GPI: variants seen among roughly 807,000 people sequenced by gnomAD.
GPI encodes the protein glucose-6-phosphate isomerase, also known as D-hexose-6-phosphate anomerase.
GPI carries 56 observed loss-of-function variants against 75.8 expected under a neutral mutation model. The ratio of observed to expected loss-of-function variants is 0.74; its 90% CI spans 0.60 to 0.92. GPI has a LOEUF of 0.92. Among genes scored for constraint, GPI ranks in the 40% least tolerant of loss-of-function variants. The pLI, the probability that GPI is intolerant of heterozygous loss-of-function variation, is 0.00. For missense variants in GPI, 638 were observed against 741.0 expected (o/e 0.86, Z 1.61); for synonymous variants, 288 against 285.4 (o/e 1.01, Z -0.09).
chr19:34,377,326 AAAAAAAAAAAATAT>A (rs2074556249), intron 4 of GPI, among the ~76,000 whole-genome samples, 163 bp from the exon 5 acceptor site: 1 of 88,504 alleles, frequency 1.1e-5, no homozygotes. Flanking sequence ...AAAAAAAAAA[AAAAAAAAAAAATAT>A]ATATATATAT....
chr19:34,379,119 G>C (rs529637939), intron 7 of GPI, 114 bp downstream of exon 7: 1 of 917,800 alleles, frequency 1.1e-6, no homozygotes, highest in African/African-American at 1.6e-5. Context: ...AGTGAAGGCG[G>C]CCTTGCCGGT....
Position 34,377,737 on chromosome 19 carries a change from A to T in GPI, c.489A>T (p.Gly163=), listed in dbSNP as rs1801015. 7 of 1,613,414 alleles carry T rather than the reference A, an allele frequency of 4.3e-6. No individual in the cohort carries two copies. The Admixed American group carries it at 8.3e-5, about 19-fold the overall frequency. The part of the protein sequence containing the change: ...INIGIGGSDL[G]PLMVTEALKP... The stretch of plus-strand genomic sequence containing the variant: ...TCTGATGCTATGTCTCCCCGCAGGG[A>T]CCCCTCATGGTGACTGAAGCCCTTA... Residue 163 remains glycine, a splice_region_variant and synonymous_variant, in exon 6 of 18, where the codon GGA becomes GGT. Transcript: ENST00000356487.
In GPI at chr19:34,396,599, G is replaced by C; in HGVS notation, c.1211G>C (p.Cys404Ser). The change falls in exon 14 of 18, where the codon TGT becomes TCT. Residue 404 changes from cysteine to serine, a missense_variant. Coordinates refer to ENST00000356487, the MANE Select transcript of GPI (RefSeq NM_000175.5). Reference sequence around the variant, plus strand: ...TTCACAGGCACCAAGATGATACCCTGTGACTTCCTCATCCCGGTCCAGACC... The same window carrying C: ...TTCACAGGCACCAAGATGATACCCTCTGACTTCCTCATCCCGGTCCAGACC... ...LIHQGTKMIPCDFLIPVQTQH... is the reference protein window; with the variant it reads ...LIHQGTKMIPSDFLIPVQTQH... 1.9e-6 allele frequency: 3 copies of C among 1,614,200 alleles called. No individual in the cohort carries two copies. Among genetic ancestry groups the C allele is most frequent in the Non-Finnish European group, 2.5e-6 (3 of 1,180,008 alleles).
At position 34,377,336 on chromosome 19, in the gene GPI, AATAT is replaced by A. The variant is rs1243864461; in HGVS notation, c.403-148_403-145del. Among the ~76,000 whole-genome samples the A allele has an allele frequency of 2.7e-3, 133 of 49,332 alleles. 5 individuals are homozygous for A. The highest frequency in any genetic ancestry group is 5.1e-3 in the East Asian group (8 of 1,584). The allele number at this position is 49,332 out of a possible 152,430, so 32.4% of individuals were successfully genotyped here. A position where few individuals can be genotyped will look rare whatever the true frequency, so the allele number is the denominator to read the frequency against. ...AAAAAAAAAAAAAAAAAAAAAAAAAAATATATATATATATATATATATGGTAAAT... is the reference window on the plus strand; with the variant it reads ...AAAAAAAAAAAAAAAAAAAAAAAAAAATATATATATATATATATGGTAAAT... On this transcript the variant is annotated intron_variant, in intron 4 of 17. Coordinates refer to ENST00000356487, the MANE Select transcript of GPI (RefSeq NM_000175.5).
At position 34,379,281 on chromosome 19, in the gene GPI, A is replaced by G. The variant is rs8191380; in HGVS notation, c.706-237A>G. On this transcript the variant is annotated intron_variant, in intron 7 of 17. Transcript: ENST00000356487. ...GCTGCAGGAACTCTTGGCCACACCT[A>G]TTTTATAGGGGAGGGACGTCCCTGA... 8.7e-3 allele frequency among the ~76,000 whole-genome samples: 1,328 copies of G among 152,112 alleles called. 11 individuals carry two copies. The highest frequency in any genetic ancestry group is 0.014 in the South Asian group (69 of 4,820).
chr19:34,394,633 T>C (rs976738140), intron 12 of GPI, among the ~76,000 whole-genome samples: 1 of 151,584 alleles, frequency 6.6e-6, no homozygotes, highest in Non-Finnish European at 1.5e-5. Flanking sequence ...CTCTTCTCCC[T>C]TGGGATCTCC....
intron 3 of GPI, chr19:34,367,150 A>C: frequency 2.0e-6 from 1 of 511,392 alleles, no homozygotes; most frequent in East Asian, 3.8e-5. Flanking sequence ...ACTCTAATAT[A>C]TCCTCAATGC....
intron 3 of GPI, 178 bp downstream of exon 3, chr19:34,367,029 A>C: frequency 1.4e-6 from 1 of 702,736 alleles, no homozygotes. Context: ...TGCCTTCCAC[A>C]AGATTGGTTT....
chr19:34,396,182 C>A, intron 12 of GPI, 119 bp from the exon 13 acceptor site: 7 of 1,081,424 alleles, frequency 6.5e-6, no homozygotes, highest in Non-Finnish European at 9.7e-6. Context: ...AGGTGATCCG[C>A]CTGCCTTGGC....
intron 12 of GPI, among the ~76,000 whole-genome samples, chr19:34,394,267 A>G (rs1451368477): frequency 1.3e-5 from 2 of 152,128 alleles, no homozygotes; most frequent in African/African-American, 4.8e-5. Context: ...GAGTTTGATC[A>G]CCATGGGAGG....
intron 9 of GPI, chr19:34,392,469 C>T (rs1268787007): frequency 2.1e-4 from 1 of 4,728 alleles, no homozygotes. Flanking sequence ...GTATGAGGAT[C>T]TGGGTTTGTC....
chr19:34,366,205 C>G (rs780703607), intron 1 of GPI, 140 bp from the exon 2 acceptor site: 9 of 725,550 alleles, frequency 1.2e-5, no homozygotes, highest in Non-Finnish European at 1.5e-5. Flanking sequence ...TGACAGACAC[C>G]ACCACTGTGC....
intron 4 of GPI, among the ~76,000 whole-genome samples, chr19:34,369,028 G>T (rs564005518): frequency 6.6e-6 from 1 of 152,122 alleles, no homozygotes; most frequent in Non-Finnish European, 1.5e-5. Flanking sequence ...GGACAGTCAG[G>T]AAAGGAAGGA....
chr19:34,400,460 T>A lies in GPI; in HGVS notation c.*424T>A. The stretch of plus-strand genomic sequence containing the variant: ...CACTAAGTGGTGAGCGGGTCTAGAG[T>A]GGAGCAAGGTGCCCTGAGAAGACAA... On this transcript the variant is annotated 3_prime_UTR_variant, in exon 18 of 18. Transcript: ENST00000356487. The A allele has an allele frequency of 1.8e-6, 1 of 554,602 alleles. No homozygotes were observed. The highest frequency in any genetic ancestry group is 2.9e-5 in the East Asian group (1 of 34,392). 34.4% of individuals were successfully genotyped at this position (554,602 alleles called of 1,614,324 possible). A position where few individuals can be genotyped will look rare whatever the true frequency, so the allele number is the denominator to read the frequency against.
At chr19:34,364,655 G>C (rs942549759), upstream of GPI, 1 of 299,592 alleles carries the variant, frequency 3.3e-6, no homozygotes, top group Admixed American at 5.1e-5. Flanking sequence ...TGAGATTACA[G>C]GCGTGAGCCA....
chr19:34,366,879 G>A (rs1449858524), intron 3 of GPI, 28 bp downstream of exon 3: 6 of 1,499,730 alleles, frequency 4.0e-6, no homozygotes, highest in South Asian at 3.4e-5. Context: ...ACCCTCTGGG[G>A]CCTCCTTCCT....
At chr19:34,390,873 G>A (rs924071390) in intron 9 of GPI, among the ~76,000 whole-genome samples, 2 of 150,032 alleles carry the variant, frequency 1.3e-5, no homozygotes, top group African/African-American at 4.9e-5. Flanking sequence ...TGAGTATCTG[G>A]GTCTTCCCGT....
chr19:34,391,833 A>C (rs796164482), intron 9 of GPI, among the ~76,000 whole-genome samples: 1 of 168 alleles, frequency 6.0e-3, no homozygotes, highest in African/African-American at 0.022. Context: ...TGGTTCTGTC[A>C]GTGACTGAGG....
At chr19:34,381,596 C>A in intron 9 of GPI, 77 bp downstream of exon 9, 1 of 980,194 alleles carries the variant, frequency 1.0e-6, no homozygotes, top group Non-Finnish European at 1.7e-6. Context: ...CCCATGAGGT[C>A]AGGTCAGTGT....
Sources: gnomAD v4.1 joint callset for allele counts (sites outside exome capture counted in the v4.1 genomes callset) on GRCh38, gnomAD v4.1.1 for gene constraint, MANE v1.5 for transcripts, NCBI Gene and HGNC (gene_info 2026-07-23, HGNC 2026-07-21) for gene names.